RPE: variants seen among roughly 807,000 people sequenced by gnomAD.
RPE encodes the protein ribulose-phosphate 3-epimerase.
RPE carries 16 observed loss-of-function variants against 24.6 expected under a neutral mutation model. That is an observed-to-expected ratio of 0.65 (90% CI 0.44 to 0.99). RPE has a LOEUF of 0.99. RPE is among the 50% of genes least tolerant of loss of function. RPE has a pLI of 0.00. For missense variants in RPE, 240 were observed against 294.5 expected (o/e 0.81, Z 1.35); for synonymous variants, 93 against 98.4 (o/e 0.94, Z 0.33).
chr2:210,020,750 C>T lies in RPE; in HGVS notation c.*959C>T, dbSNP rs2093844571. The T allele has an allele frequency of 6.2e-6, 1 of 162,218 alleles. No individual in the cohort carries two copies. Among genetic ancestry groups the T allele is most frequent in the South Asian group, 2.1e-4 (1 of 4,820 alleles). The allele number at this position is 162,218 out of a possible 1,614,324, so 10.0% of individuals were successfully genotyped here. On this transcript the variant is annotated 3_prime_UTR_variant, in exon 6 of 6. Coordinates refer to ENST00000359429, the MANE Select transcript of RPE (RefSeq NM_199229.3). ...GTTATAAAGTACTTTGATATATTCT[C>T]ATTAAATCTGTAAATCACCTCTATA...
intron 3 of RPE, 79 bp from the exon 4 acceptor site, chr2:210,016,428 C>A (rs2093773201): frequency 6.3e-7 from 1 of 1,596,044 alleles, no homozygotes. Context: ...ACAGATATTT[C>A]TACTGGGCCT....
chr2:210,010,003 G>T (rs574376820), intron 2 of RPE, among the ~76,000 whole-genome samples: 1 of 152,210 alleles, frequency 6.6e-6, no homozygotes, highest in African/African-American at 2.4e-5. Flanking sequence ...CTTTTTGAGC[G>T]TCCTCTCCCA....
chr2:210,002,900 G>C (rs1351219206), intron 1 of RPE, 117 bp downstream of exon 1: 1 of 1,580,050 alleles, frequency 6.3e-7, no homozygotes, highest in African/African-American at 1.4e-5. Context: ...CACTCTGAAC[G>C]CGATGCTAGA....
In RPE at chr2:210,016,354, T is replaced by C; in HGVS notation, c.343-153T>C. 1.9e-6 allele frequency: 3 copies of C among 1,564,084 alleles called. No individual in the cohort carries two copies. The South Asian group carries it at 3.7e-5, about 19-fold the overall frequency. ...ATTTATGTATTCCACTAAAGTTTTC[T>C]GAAAGCTACTGCTTGTTGAAAATAC... On this transcript the variant is annotated intron_variant, in intron 3 of 5. Transcript: ENST00000359429.
At position 210,008,449 on chromosome 2, in the gene RPE, C is replaced by G. The variant is rs2093659597; in HGVS notation, c.123-1208C>G. 2.6e-5 allele frequency among the ~76,000 whole-genome samples: 4 copies of G among 151,924 alleles called. No individual in the cohort carries two copies. In the South Asian group the frequency reaches 8.3e-4, roughly 32 times the overall value. On this transcript the variant is annotated intron_variant, in intron 1 of 5. Coordinates refer to ENST00000359429, the MANE Select transcript of RPE (RefSeq NM_199229.3). ...TATCTGGGATTATAGACGCACGCCA[C>G]CACACCCAGCTAATTTTTATATTTT...
chr2:210,017,314 C>T (rs1442971721), intron 4 of RPE, among the ~76,000 whole-genome samples, 159 bp from the exon 5 acceptor site: 1 of 152,164 alleles, frequency 6.6e-6, no homozygotes, highest in Admixed American at 6.5e-5. Context: ...CCAAGTGTTC[C>T]CCAGTAATAT....
intron 1 of RPE, among the ~76,000 whole-genome samples, chr2:210,006,515 G>A (rs1460131990): frequency 3.3e-5 from 5 of 152,134 alleles, no homozygotes; most frequent in African/African-American, 1.2e-4. Context: ...TTTGGGGTTA[G>A]TATTTTTATA....
chr2:210,019,883 C>A lies in RPE; in HGVS notation c.*92C>A. On this transcript the variant is annotated 3_prime_UTR_variant, in exon 6 of 6. Coordinates refer to ENST00000359429, the MANE Select transcript of RPE (RefSeq NM_199229.3). ...TACCAAATCACAATGCAATTGAAGC[C>A]GTACTGCTTTTTTGAGCAGTTATTC... The A allele has an allele frequency of 6.9e-7, 1 of 1,449,510 alleles. No homozygotes were observed. The highest frequency in any genetic ancestry group is 1.4e-5 in the South Asian group (1 of 70,594). The allele number at this position is 1,449,510 out of a possible 1,614,324, so 89.8% of individuals were successfully genotyped here.
intron 2 of RPE, among the ~76,000 whole-genome samples, chr2:210,010,778 C>T (rs557375907): frequency 1.3e-5 from 2 of 152,154 alleles, no homozygotes; most frequent in African/African-American, 4.8e-5. Context: ...ATTAATCAGG[C>T]GTGGTGGCAA....
intron 2 of RPE, among the ~76,000 whole-genome samples, chr2:210,015,126 TAAGGTCAA>T (rs2093752853): frequency 6.6e-6 from 1 of 152,238 alleles, no homozygotes; most frequent in African/African-American, 2.4e-5. Context: ...TTCTAGTTGA[TAAGGTCAA>T]AATCCTTGAT....
intron 1 of RPE, among the ~76,000 whole-genome samples, chr2:210,005,695 G>A (rs2093621924): frequency 6.6e-6 from 1 of 151,724 alleles, no homozygotes; most frequent in Non-Finnish European, 1.5e-5. Context: ...GGTGACATGC[G>A]CTGGAGCTGA....
chr2:210,016,309 T>C, intron 3 of RPE, 197 bp downstream of exon 3: 1 of 1,598,294 alleles, frequency 6.3e-7, no homozygotes, highest in South Asian at 1.1e-5. Flanking sequence ...TGCCAGGATT[T>C]AACTTCTTTG....
At chr2:210,007,284 A>G (rs1226176366) in intron 1 of RPE, among the ~76,000 whole-genome samples, 1 of 152,194 alleles carries the variant, frequency 6.6e-6, no homozygotes, top group African/African-American at 2.4e-5. Flanking sequence ...GACCTTAAAC[A>G]TAGTTTGTAT....
rs2093833965 is a variant in RPE at position 210,019,768 on chromosome 2, C to T, written c.664C>T (p.Gln222Ter). Reference sequence around the variant, plus strand: ...AAGAAATGTTTGCTCAGAAGCTGCTCAGAAACGTTCTCTTGATCGGTGAAA... The same window carrying T: ...AAGAAATGTTTGCTCAGAAGCTGCTTAGAAACGTTCTCTTGATCGGTGAAA... ...LLRNVCSEAA[Q>*]KRSLDR The change falls in exon 6 of 6, where the codon CAG becomes TAG. Residue 222 changes from glutamine (Q) to a stop codon, truncating the protein, a stop_gained. Transcript: ENST00000359429. LOFTEE classifies it high-confidence loss of function. The T allele has an allele frequency of 6.2e-7, 1 of 1,612,856 alleles. No individual in the cohort carries two copies. The highest frequency in any genetic ancestry group is 1.7e-5 in the Admixed American group (1 of 59,916).
chr2:210,021,372 G>A lies in RPE; in HGVS notation c.*1581G>A, dbSNP rs1414983678. ...TAATGTTTGTTTTTATTCAGCTTGG[G>A]AAAGCTTTGTGCCATGAATACGTCG... On this transcript the variant is annotated 3_prime_UTR_variant, in exon 6 of 6. Coordinates refer to ENST00000359429, the MANE Select transcript of RPE (RefSeq NM_199229.3). 6.6e-6 allele frequency: 1 copy of A among 152,442 alleles called. No homozygotes were observed. Among genetic ancestry groups the A allele is most frequent in the Non-Finnish European group, 1.5e-5 (1 of 67,976 alleles). 9.4% of individuals were successfully genotyped at this position (152,442 alleles called of 1,614,324 possible). A position where few individuals can be genotyped will look rare whatever the true frequency, so the allele number is the denominator to read the frequency against.
chr2:210,016,079 T>C lies in RPE; in HGVS notation c.309T>C (p.Ala103=). The change falls in exon 3 of 6, where the codon GCT becomes GCC. Residue 103 remains alanine (A), a synonymous_variant. Coordinates refer to ENST00000359429, the MANE Select transcript of RPE (RefSeq NM_199229.3). ...FHLEATENPG[A]LIKDIRENGM... ...TCGAGGCTACTGAGAACCCAGGGGC[T>C]TTGATTAAAGACATTCGGGAGAATG... is the stretch of plus-strand genomic sequence containing the variant. 1 of 1,614,198 alleles carries C rather than the reference T, an allele frequency of 6.2e-7. No homozygotes were observed. Among genetic ancestry groups the C allele is most frequent in the Non-Finnish European group, 8.5e-7 (1 of 1,180,038 alleles).
In RPE at chr2:210,019,825, A is replaced by G. The variant is rs755887210; in HGVS notation, c.*34A>G. ...GGAGCCCAGTGTTCCTGTTCATGAA[A>G]TCTCCCTTTTACTGGAAAACAGGAA... On this transcript the variant is annotated 3_prime_UTR_variant, in exon 6 of 6. Transcript: ENST00000359429. 2 of 1,597,580 alleles carry G rather than the reference A, an allele frequency of 1.3e-6. No individual in the cohort carries two copies. The highest frequency in any genetic ancestry group is 2.2e-5 in the East Asian group (1 of 44,532).
intron 5 of RPE, chr2:210,017,975 C>A (rs1392712118): frequency 1.6e-5 from 10 of 619,626 alleles, no homozygotes; most frequent in Non-Finnish European, 2.2e-5. Flanking sequence ...AAACTCCTGA[C>A]CTCAAGTGAC....
intron 2 of RPE, among the ~76,000 whole-genome samples, chr2:210,011,904 A>G (rs1434708221): frequency 1.4e-5 from 2 of 147,890 alleles, no homozygotes; most frequent in African/African-American, 5.0e-5. Context: ...CTAATCTTGA[A>G]TGCTTGGGCT....
Sources: gnomAD v4.1 joint callset for allele counts (sites outside exome capture counted in the v4.1 genomes callset) on GRCh38, gnomAD v4.1.1 for gene constraint, MANE v1.5 for transcripts, NCBI Gene and HGNC (gene_info 2026-07-23, HGNC 2026-07-21) for gene names.